CNTN4: variants seen among roughly 807,000 people sequenced by gnomAD.
CNTN4 encodes contactin 4.
CNTN4 carries 77 observed loss-of-function variants against 122.5 expected under a neutral mutation model. The observed-to-expected ratio is 0.63, with a 90% CI of 0.52 to 0.76. The LOEUF (loss-of-function observed/expected upper bound fraction) is 0.76, where lower values mean the gene tolerates loss of function less well. CNTN4 is among the 30% of genes least tolerant of loss of function. CNTN4 has a pLI of 0.00. For missense variants in CNTN4, 1,256 were observed against 1,259.1 expected (o/e 1.00, Z 0.04); for synonymous variants, 512 against 447.0 (o/e 1.15, Z -1.83).
intron 3 of CNTN4, among the ~76,000 whole-genome samples, chr3:2,535,577 A>G (rs554771277): frequency 1.2e-4 from 19 of 152,076 alleles, no homozygotes; most frequent in Non-Finnish European, 2.1e-4. Context: ...TGGTAATTAT[A>G]TCACATCCCA....
chr3:2,861,082 AAT>A (rs1377729946), intron 7 of CNTN4, among the ~76,000 whole-genome samples: 1 of 152,228 alleles, frequency 6.6e-6, no homozygotes, highest in Non-Finnish European at 1.5e-5. Flanking sequence ...AATTTACATT[AAT>A]ATGTTTGGTG....
At chr3:2,232,554 TA>T (rs2039526897) in intron 2 of CNTN4, among the ~76,000 whole-genome samples, 1 of 152,188 alleles carries the variant, frequency 6.6e-6, no homozygotes, top group South Asian at 2.1e-4. Flanking sequence ...ACAGGCTGTC[TA>T]AAAACTATAT....
intron 3 of CNTN4, among the ~76,000 whole-genome samples, chr3:2,359,000 T>G (rs1246217106): frequency 6.6e-6 from 1 of 152,164 alleles, no homozygotes; most frequent in Non-Finnish European, 1.5e-5. Context: ...GTGCTACTGG[T>G]AGATTTATAA....
intron 3 of CNTN4, among the ~76,000 whole-genome samples, chr3:2,404,007 A>T (rs965210847): frequency 2.6e-5 from 4 of 152,160 alleles, no homozygotes; most frequent in African/African-American, 9.7e-5. Flanking sequence ...ATTTCTTCAC[A>T]TCAGACATTT....
At chr3:2,803,971 G>C (rs61002466) in intron 6 of CNTN4, among the ~76,000 whole-genome samples, 5,495 of 152,010 alleles carry the variant, frequency 0.036, 346 homozygotes, top group African/African-American at 0.12. Context: ...GCAAGTGTTA[G>C]AGGAATGCAT....
chr3:2,614,691 GGAGA>G (rs1395708859), intron 4 of CNTN4, among the ~76,000 whole-genome samples: 1 of 152,060 alleles, frequency 6.6e-6, no homozygotes, highest in African/African-American at 2.4e-5. Flanking sequence ...GGTTCACTGA[GGAGA>G]GAGAGCAGGC....
chr3:2,724,441 A>G (rs138324696), intron 4 of CNTN4, among the ~76,000 whole-genome samples: 1 of 152,212 alleles, frequency 6.6e-6, no homozygotes, highest in Admixed American at 6.5e-5. Flanking sequence ...TTCACACCAG[A>G]AAGAAAAGCA....
At chr3:2,142,553 G>A (rs2125344706) in intron 2 of CNTN4, among the ~76,000 whole-genome samples, 1 of 152,142 alleles carries the variant, frequency 6.6e-6, no homozygotes, top group Non-Finnish European at 1.5e-5. Context: ...AGTAGAGATG[G>A]GCTGGTCTCG....
chr3:2,997,489 G>T (rs904368306), intron 14 of CNTN4, among the ~76,000 whole-genome samples: 1 of 152,158 alleles, frequency 6.6e-6, no homozygotes, highest in African/African-American at 2.4e-5. Flanking sequence ...TTCCTGTTTT[G>T]GCATTTGTTT....
At chr3:2,853,769 G>C (rs2093585575) in intron 7 of CNTN4, among the ~76,000 whole-genome samples, 1 of 151,008 alleles carries the variant, frequency 6.6e-6, no homozygotes, top group South Asian at 2.1e-4. Flanking sequence ...AAAAAGACCT[G>C]TTTGTTCAGT....
intron 6 of CNTN4, among the ~76,000 whole-genome samples, chr3:2,769,305 T>C (rs1049166839): frequency 3.3e-5 from 5 of 151,842 alleles, no homozygotes; most frequent in African/African-American, 1.2e-4. Flanking sequence ...CTACTAAAAA[T>C]ACAAAAACAA....
chr3:2,542,610 A>C (rs920777143), intron 3 of CNTN4, among the ~76,000 whole-genome samples: 2 of 152,178 alleles, frequency 1.3e-5, no homozygotes, highest in Non-Finnish European at 2.9e-5. Context: ...TTATATCTGC[A>C]GGAGATTAAG....
At chr3:2,164,717 A>G (rs1004494406) in intron 2 of CNTN4, among the ~76,000 whole-genome samples, 3 of 152,176 alleles carry the variant, frequency 2.0e-5, no homozygotes, top group African/African-American at 7.2e-5. Flanking sequence ...GGACAATGCA[A>G]CATTCCTTTC....
intron 4 of CNTN4, among the ~76,000 whole-genome samples, chr3:2,713,314 T>C (rs7611460): frequency 0.18 from 27,447 of 152,162 alleles, 2,558 homozygotes; most frequent in Middle Eastern, 0.22. Flanking sequence ...GTCTTCTGTG[T>C]TGATGATTGC....
intron 2 of CNTN4, among the ~76,000 whole-genome samples, chr3:2,223,940 G>A (rs2039162338): frequency 6.6e-6 from 1 of 152,146 alleles, no homozygotes; most frequent in Non-Finnish European, 1.5e-5. Context: ...CAAAGGGATA[G>A]GAATTTGGGG....
intron 2 of CNTN4, among the ~76,000 whole-genome samples, chr3:2,217,613 C>T (rs911269900): frequency 6.6e-6 from 1 of 152,098 alleles, no homozygotes; most frequent in Non-Finnish European, 1.5e-5. Context: ...GGCCAAGCTG[C>T]AAATGACTGT....
At chr3:2,940,671 G>A (rs1458574004) in intron 13 of CNTN4, among the ~76,000 whole-genome samples, 2 of 152,148 alleles carry the variant, frequency 1.3e-5, no homozygotes, top group Admixed American at 6.6e-5. Context: ...TGTGGGAAAT[G>A]ATGAGGAACC....
At chr3:2,292,723 A>G (rs1348300628) in intron 2 of CNTN4, among the ~76,000 whole-genome samples, 1 of 152,176 alleles carries the variant, frequency 6.6e-6, no homozygotes, top group Non-Finnish European at 1.5e-5. Context: ...ATTCATACAT[A>G]TTATTCTATC....
At chr3:2,203,334 C>A (rs1056744802) in intron 2 of CNTN4, among the ~76,000 whole-genome samples, 4 of 152,038 alleles carry the variant, frequency 2.6e-5, no homozygotes, top group African/African-American at 9.7e-5. Context: ...TTAAAAGATA[C>A]TATGCTAGGT....
Sources: allele counts gnomAD v4.1 joint callset (sites outside exome capture counted in the v4.1 genomes callset), GRCh38; gene constraint gnomAD v4.1.1; transcripts MANE v1.5; gene names NCBI Gene and HGNC (gene_info 2026-07-23, HGNC 2026-07-21).